Variants in PDGFA observed in about 807,000 individuals in gnomAD.
PDGFA encodes the protein platelet derived growth factor subunit A.
PDGFA carries 9 observed loss-of-function variants against 25.6 expected under a neutral mutation model. The ratio of observed to expected loss-of-function variants is 0.35; its 90% CI spans 0.21 to 0.61. The LOEUF is 0.61. Ranked by LOEUF, PDGFA falls within the 20% of genes least tolerant of loss-of-function variation. The probability of loss-of-function intolerance (pLI) is 0.75; values close to 1 mark genes in which losing one functional copy is unlikely to be tolerated. For synonymous variants in PDGFA, 133 were observed against 111.8 expected, an observed-to-expected ratio of 1.19 and a Z score of -1.20; for missense variants, 242 against 272.8, an observed-to-expected ratio of 0.89 and a Z score of 0.79.
At chr7:501,827 A>G (rs9286352) in intron 4 of PDGFA, among the ~76,000 whole-genome samples, 89,427 of 152,080 alleles carry the variant, frequency 0.59, 26,507 homozygotes, top group African/African-American at 0.62. Context: ...TAAGGTGTGG[A>G]AGTTTGGGAG....
intron 4 of PDGFA, among the ~76,000 whole-genome samples, chr7:508,559 C>CA (rs766165770): frequency 0.047 from 1,675 of 35,642 alleles, 310 homozygotes; most frequent in African/African-American, 0.12. Context: ...GAAGCTGTCC[C>CA]AAAAAAAAAA....
At chr7:518,114 C>A (rs1463506543) in intron 1 of PDGFA, among the ~76,000 whole-genome samples, 1 of 152,188 alleles carries the variant, frequency 6.6e-6, no homozygotes, top group Non-Finnish European at 1.5e-5. Flanking sequence ...CAAATCCAGC[C>A]GGCGGCCGGG....
chr7:516,052 C>CCA (rs1215917614), intron 2 of PDGFA, among the ~76,000 whole-genome samples: 1 of 120,188 alleles, frequency 8.3e-6, no homozygotes, highest in African/African-American at 3.2e-5. Context: ...CCCCCCCCCC[C>CCA]ACTTTTCCAA....
chr7:501,391 G>C, intron 4 of PDGFA, 149 bp from the exon 5 acceptor site: 2 of 970,478 alleles, frequency 2.1e-6, no homozygotes, highest in Non-Finnish European at 3.1e-6. Context: ...GGTGGGGAGT[G>C]TAGCAGTACC....
intron 2 of PDGFA, among the ~76,000 whole-genome samples, chr7:516,781 C>G (rs1184298619): frequency 6.6e-6 from 1 of 152,224 alleles, no homozygotes; most frequent in Non-Finnish European, 1.5e-5. Context: ...CCCCAGGGCC[C>G]GAGGGTGAGC....
exon 4 of PDGFA, chr7:510,817 T>G: frequency 1.3e-6 from 2 of 1,562,416 alleles, no homozygotes; most frequent in South Asian, 1.2e-5. Flanking sequence ...ACCTTGACGC[T>G]GCGGTGGTGG....
intron 4 of PDGFA, among the ~76,000 whole-genome samples, chr7:509,972 G>C (rs1206465138): frequency 6.6e-6 from 1 of 152,080 alleles, no homozygotes. Flanking sequence ...GGCTGCTTTA[G>C]GGGGGAAGCC....
Position 500,268 on chromosome 7 carries a change from G to C in PDGFA, c.580+848C>G, listed in dbSNP as rs542184171. Among the ~76,000 whole-genome samples, 1 of 152,204 alleles carries C rather than the reference G, an allele frequency of 6.6e-6. No homozygotes were observed. The highest frequency in any genetic ancestry group is 1.5e-5 in the Non-Finnish European group (1 of 68,038). On this transcript the variant is annotated intron_variant, in intron 5 of 5. Transcript: ENST00000402802. This position sits in a 1 kb window ranked among gnomAD's most constrained non-coding sequence, Gnocchi z 5.0. ...CCAGGGCGTTCTGCGAGGCAGGAGCGGACGGGGAGCAAGGAGACCCAAGCC... is the reference window on the plus strand; with the variant it reads ...CCAGGGCGTTCTGCGAGGCAGGAGCCGACGGGGAGCAAGGAGACCCAAGCC...
At chr7:504,397 C>T (rs919668524) in intron 4 of PDGFA, among the ~76,000 whole-genome samples, 1 of 152,130 alleles carries the variant, frequency 6.6e-6, no homozygotes, top group Non-Finnish European at 1.5e-5. Flanking sequence ...GTCCTCAGCC[C>T]TCCCTGAGTC....
chr7:501,369 A>G, intron 4 of PDGFA, 127 bp from the exon 5 acceptor site: 1 of 1,160,626 alleles, frequency 8.6e-7, no homozygotes, highest in East Asian at 2.4e-5. Flanking sequence ...CCTCCCAGAA[A>G]CACTACCTTG....
At chr7:516,190 T>C (rs1029113761) in intron 2 of PDGFA, among the ~76,000 whole-genome samples, 2 of 121,902 alleles carry the variant, frequency 1.6e-5, no homozygotes, top group Non-Finnish European at 3.3e-5. Flanking sequence ...GCTGTGGGAG[T>C]GAAACTCTAC....
chr7:520,051 A>G, upstream of PDGFA: 1 of 398,502 alleles, frequency 2.5e-6, no homozygotes, highest in Non-Finnish European at 5.0e-6. Context: ...AAGCAGCTAA[A>G]TCCATCAAAG....
intron 4 of PDGFA, among the ~76,000 whole-genome samples, chr7:507,718 T>A (rs1379854308): frequency 6.6e-6 from 1 of 152,028 alleles, no homozygotes; most frequent in Non-Finnish European, 1.5e-5. Context: ...CTCCAAAATA[T>A]AACCAGGGAG....
chr7:512,589 G>C (rs1021592447), intron 2 of PDGFA, 134 bp from the exon 3 acceptor site: 10 of 1,545,760 alleles, frequency 6.5e-6, no homozygotes, highest in Non-Finnish European at 8.7e-6. Flanking sequence ...GCCCCTCACA[G>C]CTCCCGCCAT....
chr7:503,770 C>T (rs529853361), intron 4 of PDGFA, among the ~76,000 whole-genome samples: 10 of 152,244 alleles, frequency 6.6e-5, no homozygotes, highest in African/African-American at 2.4e-4. Context: ...CTGCCTGGGG[C>T]GTGAGCAGAC....
chr7:508,396 G>A (rs1465187169), intron 4 of PDGFA, among the ~76,000 whole-genome samples: 2 of 151,476 alleles, frequency 1.3e-5, no homozygotes, highest in Non-Finnish European at 2.9e-5. Context: ...CGAGATCCCC[G>A]ACTCTGCAAA....
exon 1 of PDGFA, chr7:519,032 G>A (rs1042997492): frequency 6.6e-7 from 1 of 1,507,642 alleles, no homozygotes; most frequent in Non-Finnish European, 8.9e-7. Context: ...GCTCGGAGGA[G>A]AGGCGAGGCC....
chr7:502,591 T>C (rs1782392002), intron 4 of PDGFA, among the ~76,000 whole-genome samples: 1 of 152,182 alleles, frequency 6.6e-6, no homozygotes, highest in African/African-American at 2.4e-5. Context: ...TGGGTTCCCC[T>C]CTTCGGACTG....
chr7:510,148 G>T (rs759794626), intron 4 of PDGFA, among the ~76,000 whole-genome samples: 1 of 152,162 alleles, frequency 6.6e-6, no homozygotes, highest in Non-Finnish European at 1.5e-5. Context: ...TCGACACCTC[G>T]CAAGGCCCAA....
Sources: gnomAD v4.1 joint callset for allele counts (sites outside exome capture counted in the v4.1 genomes callset) on GRCh38, gnomAD v4.1.1 for gene constraint, Gnocchi (gnomAD v3.1) non-coding constraint, MANE v1.5 for transcripts, NCBI Gene and HGNC (gene_info 2026-07-23, HGNC 2026-07-21) for gene names.